Variants in ZNF710 observed in about 807,000 individuals in gnomAD.
The protein encoded by ZNF710 is zinc finger protein 710.
ZNF710 carries 13 observed loss-of-function variants against 50.6 expected under a neutral mutation model. The ratio of observed to expected loss-of-function variants is 0.26; its 90% CI spans 0.17 to 0.41. The LOEUF is 0.41. Among genes scored for constraint, ZNF710 ranks in the 10% least tolerant of loss-of-function variants. The pLI is 1.00. For missense variants in ZNF710, 721 were observed against 936.6 expected (o/e 0.77, Z 3.01); for synonymous variants, 383 against 397.0 (o/e 0.96, Z 0.42).
At chr15:90,002,782 T>A (rs1008395290) in intron 1 of ZNF710, among the ~76,000 whole-genome samples, 2 of 152,116 alleles carry the variant, frequency 1.3e-5, no homozygotes, top group African/African-American at 4.8e-5. Context: ...GCCAGGGAGG[T>A]GCTTGTGTGG....
intron 1 of ZNF710, among the ~76,000 whole-genome samples, chr15:90,051,195 T>C (rs28733377): frequency 0.48 from 70,339 of 146,416 alleles, 20,332 homozygotes; most frequent in African/African-American, 0.8. Context: ...GCCAAGATCG[T>C]GCCGCTGCAC....
chr15:90,009,367 G>A (rs1226261154), intron 1 of ZNF710, among the ~76,000 whole-genome samples: 5 of 152,040 alleles, frequency 3.3e-5, no homozygotes, highest in Non-Finnish European at 7.4e-5. Context: ...CTCGGGCCCT[G>A]GGCTCACAAG....
intron 1 of ZNF710, among the ~76,000 whole-genome samples, chr15:90,058,845 TA>T (rs1186459123): frequency 6.6e-6 from 1 of 152,058 alleles, no homozygotes; most frequent in Non-Finnish European, 1.5e-5. Flanking sequence ...GCAAGATTCA[TA>T]AGTTACAGTC....
At chr15:90,038,104 G>C (rs1899185002) in intron 1 of ZNF710, among the ~76,000 whole-genome samples, 1 of 152,158 alleles carries the variant, frequency 6.6e-6, no homozygotes. Context: ...GGATGGTTTG[G>C]ACCAGCCTTG....
Position 90,073,241 on chromosome 15 carries a change from C to T in ZNF710, c.1629C>T (p.Pro543=), listed in dbSNP as rs146964408. 1.6e-5 allele frequency: 26 copies of T among 1,613,310 alleles called. No homozygotes were observed. Among genetic ancestry groups the T allele is most frequent in the African/African-American group, 1.6e-4 (12 of 74,926 alleles). ...AGACCCACATGATTGTACACTCGCC[C>T]GTGAAGCCATTCAAATGCAAGGTAC... ...TLKTHMIVHS[P]VKPFKCKVCG... Residue 543 remains proline, a synonymous_variant, in exon 3 of 5, where the codon CCC becomes CCT. Coordinates refer to ENST00000268154, the MANE Select transcript of ZNF710 (RefSeq NM_198526.4).
At chr15:90,015,595 CTT>C (rs35261596) in intron 1 of ZNF710, among the ~76,000 whole-genome samples, 40 of 136,680 alleles carry the variant, frequency 2.9e-4, no homozygotes, top group Non-Finnish European at 2.4e-4. Flanking sequence ...CAATGCAATT[CTT>C]TTTTTTTTTT....
chr15:90,071,676 A>C lies in ZNF710; in HGVS notation c.1459-1395A>C, dbSNP rs965972631. ...AAATTTCTTTTATTTATTTATTTTT[A>C]CTCTTTTTTTTTTTTTTTTTGAGAC... On this transcript the variant is annotated intron_variant, in intron 2 of 4. Coordinates refer to ENST00000268154, the MANE Select transcript of ZNF710 (RefSeq NM_198526.4). Among the ~76,000 whole-genome samples, 207 of 133,756 alleles carry C rather than the reference A, an allele frequency of 1.5e-3. 2 individuals are homozygous for C. The highest frequency in any genetic ancestry group is 5.6e-3 in the African/African-American group (200 of 35,488). The allele number at this position is 133,756 out of a possible 152,430, so 87.7% of individuals were successfully genotyped here. A position where few individuals can be genotyped will look rare whatever the true frequency, so the allele number is the denominator to read the frequency against.
chr15:90,023,994 CA>C (rs145288734), intron 1 of ZNF710, among the ~76,000 whole-genome samples: 358 of 138,710 alleles, frequency 2.6e-3, no homozygotes, highest in African/African-American at 4.6e-3. Context: ...GTGAGACCTT[CA>C]AAAAAAAAAA....
intron 1 of ZNF710, among the ~76,000 whole-genome samples, chr15:90,029,364 C>T (rs1246470036): frequency 1.3e-5 from 2 of 152,174 alleles, no homozygotes; most frequent in Non-Finnish European, 2.9e-5. Flanking sequence ...TGTAGGGGCC[C>T]TTCTGGCCAT....
chr15:90,004,505 A>G (rs954425861), intron 1 of ZNF710, among the ~76,000 whole-genome samples: 5 of 152,086 alleles, frequency 3.3e-5, no homozygotes, highest in Non-Finnish European at 5.9e-5. Context: ...AGGACTCATT[A>G]TGTTGAAATA....
chr15:90,075,967 G>A (rs527665452), intron 4 of ZNF710: 4 of 152,338 alleles, frequency 2.6e-5, no homozygotes, highest in Middle Eastern at 3.4e-3. Context: ...AGACCCACTG[G>A]ACCAGACTAG....
At position 90,074,144 on chromosome 15, in the gene ZNF710, A is replaced by G; in HGVS notation, c.1679A>G (p.Tyr560Cys). 6.2e-7 allele frequency: 1 copy of G among 1,613,662 alleles called. No individual in the cohort carries two copies. The highest frequency in any genetic ancestry group is 8.5e-7 in the Non-Finnish European group (1 of 1,179,826). Residue 560 changes from tyrosine to cysteine, a missense_variant, in exon 4 of 5, where the codon TAC becomes TGC. Physicochemically the swap from Tyr to Cys is radical, Grantham distance 194. This residue lies in a region of ZNF710 where 326 missense variants were observed against 522.0 expected (regional missense o/e 0.62). Transcript: ENST00000268154. ...KVCGKSFNRM[Y>C]NLLGHMHLHA... ...TGCGGGAAGTCCTTCAACCGCATGT[A>G]CAACCTGCTGGGCCACATGCACCTG...
intron 1 of ZNF710, among the ~76,000 whole-genome samples, chr15:90,064,363 C>T (rs1345942624): frequency 2.0e-5 from 3 of 152,248 alleles, no homozygotes; most frequent in East Asian, 1.9e-4. Context: ...AATGAGTTCT[C>T]TAGTGGTTGT....
rs1367543743 is a variant in ZNF710, at chr15:90,065,778, A to G, written c.-28-1332A>G. 3.0e-4 allele frequency among the ~76,000 whole-genome samples: 46 copies of G among 152,182 alleles called. 1 individual carries two copies. Among genetic ancestry groups the G allele is most frequent in the Non-Finnish European group, 8.8e-5 (6 of 68,028 alleles). On this transcript the variant is annotated intron_variant, in intron 1 of 4. Coordinates refer to ENST00000268154, the MANE Select transcript of ZNF710 (RefSeq NM_198526.4). The stretch of plus-strand genomic sequence containing the variant: ...ATGTTAGAGGCAGGTACAGTGGCTC[A>G]TGTCTATAATCCTAGCATTTCGGGG...
chr15:90,074,323 A>G, intron 4 of ZNF710, 33 bp downstream of exon 4: 1 of 1,608,232 alleles, frequency 6.2e-7, no homozygotes, highest in Non-Finnish European at 8.5e-7. Flanking sequence ...ACAGAGCAGG[A>G]ATGATACCAA....
Position 90,081,801 on chromosome 15 carries a change from G to C in ZNF710, c.*1972G>C, listed in dbSNP as rs1900727966. On this transcript the variant is annotated 3_prime_UTR_variant, in exon 5 of 5. Transcript: ENST00000268154. ...TGGTCTTGGAAACTGAAGGGAGAAG[G>C]TCTGGCCCCCAGGGTGGGGCTCTCC... 6.6e-6 allele frequency: 1 copy of C among 152,412 alleles called. No individual in the cohort carries two copies. The highest frequency in any genetic ancestry group is 1.5e-5 in the Non-Finnish European group (1 of 68,198). The allele number at this position is 152,412 out of a possible 1,614,324, so 9.4% of individuals were successfully genotyped here.
intron 1 of ZNF710, among the ~76,000 whole-genome samples, chr15:90,043,306 G>C (rs754268382): frequency 1.3e-5 from 2 of 152,234 alleles, no homozygotes; most frequent in African/African-American, 4.8e-5. Context: ...CCAGGGGGCC[G>C]AGCTGCCTTT....
chr15:90,024,302 A>T (rs945913525), intron 1 of ZNF710, among the ~76,000 whole-genome samples: 4 of 152,130 alleles, frequency 2.6e-5, no homozygotes, highest in African/African-American at 9.7e-5. Context: ...CCCGGTCAGG[A>T]TGCTCTTCCC....
chr15:90,019,682 G>A (rs948796371), intron 1 of ZNF710, among the ~76,000 whole-genome samples: 15 of 152,346 alleles, frequency 9.8e-5, no homozygotes, highest in Non-Finnish European at 1.8e-4. Context: ...ACCTAGGAAA[G>A]GGAGTCTGTC....
Sources: gnomAD v4.1 joint callset for allele counts (sites outside exome capture counted in the v4.1 genomes callset) on GRCh38, gnomAD v4.1.1 for gene constraint, gnomAD v4.1.1 regional missense constraint, MANE v1.5 for transcripts, NCBI Gene and HGNC (gene_info 2026-07-23, HGNC 2026-07-21) for gene names.